The following EDNRB variants were observed in gnomAD, a reference collection of about 807,000 sequenced individuals.
EDNRB encodes Hirschsprung disease 2.
In EDNRB, 18 loss-of-function variants were observed where a neutral mutation model predicts 46.4. That is an observed-to-expected ratio of 0.39 (90% CI 0.27 to 0.57). The LOEUF (loss-of-function observed/expected upper bound fraction) is 0.57. Ranked by LOEUF, EDNRB falls within the 20% of genes least tolerant of loss-of-function variation. The probability of loss-of-function intolerance (pLI) is 0.61; values close to 1 mark genes in which losing one functional copy is unlikely to be tolerated. For synonymous variants in EDNRB, 213 were observed against 204.9 expected (o/e 1.04, Z -0.34); for missense variants, 434 against 537.5 (o/e 0.81, Z 1.90).
intron 6 of EDNRB, chr13:77,899,634 C>T: frequency 2.1e-6 from 1 of 482,164 alleles, no homozygotes; most frequent in Non-Finnish European, 3.8e-6. Context: ...ATGAGTGTAA[C>T]TGATTGGCTG....
chr13:77,918,769 G>A lies in EDNRB; in HGVS notation c.-196C>T, dbSNP rs201956216. ...AGTTTGCGCGCCAGTGGGAAACTTG[G>A]CGCTCATGACTCGCCAGCGCGGGTC... On this transcript the variant is annotated 5_prime_UTR_variant, in exon 1 of 7. Coordinates refer to ENST00000646607, the MANE Select transcript of EDNRB (RefSeq NM_001122659.3). This position sits in a 1 kb window ranked among gnomAD's most constrained non-coding sequence, Gnocchi z 4.5. 9.4e-5 allele frequency: 126 copies of A among 1,335,830 alleles called. 1 individual carries two copies. The Middle Eastern group carries it at 3.3e-3, about 35-fold the overall frequency. 82.7% of individuals were successfully genotyped at this position (1,335,830 alleles called of 1,614,324 possible).
At chr13:77,954,191 T>C (rs1416150058) in intron 1 of EDNRB, among the ~76,000 whole-genome samples, 1 of 152,182 alleles carries the variant, frequency 6.6e-6, no homozygotes, top group Non-Finnish European at 1.5e-5. Flanking sequence ...AGACCTTTTG[T>C]TAGTCATAGG....
chr13:77,909,956 C>G (rs957957074), intron 1 of EDNRB, among the ~76,000 whole-genome samples: 1 of 151,968 alleles, frequency 6.6e-6, no homozygotes, highest in Non-Finnish European at 1.5e-5. Flanking sequence ...TGGAGTTCTG[C>G]TCTTCCATGC....
At chr13:77,968,267 G>A (rs117080422) in intron 1 of EDNRB, among the ~76,000 whole-genome samples, 2,174 of 152,136 alleles carry the variant, frequency 0.014, 44 homozygotes, top group East Asian at 0.024. Flanking sequence ...CTTGGTTGTA[G>A]AGGAAGAGAT....
At chr13:77,934,423 G>A (rs1880494901) in intron 1 of EDNRB, among the ~76,000 whole-genome samples, 1 of 152,098 alleles carries the variant, frequency 6.6e-6, no homozygotes, top group South Asian at 2.1e-4. Context: ...AAACTGCTTG[G>A]CTGATTTGAC....
intron 1 of EDNRB, among the ~76,000 whole-genome samples, chr13:77,974,277 G>A (rs1295742945): frequency 2.6e-5 from 4 of 152,088 alleles, no homozygotes; most frequent in Non-Finnish European, 5.9e-5. Context: ...CTAGTGAGGT[G>A]TGCTCACAAT....
chr13:77,920,969 C>T (rs546639883), upstream of EDNRB, among the ~76,000 whole-genome samples: 4 of 152,254 alleles, frequency 2.6e-5, no homozygotes, highest in South Asian at 2.1e-4. Flanking sequence ...TCATCATCTC[C>T]ATCTCCATTC....
At chr13:77,937,958 G>A (rs936159252) in intron 1 of EDNRB, among the ~76,000 whole-genome samples, 2 of 152,142 alleles carry the variant, frequency 1.3e-5, no homozygotes, top group Admixed American at 6.5e-5. Context: ...CACATTTTAC[G>A]ACAAGAATTA....
intron 1 of EDNRB, among the ~76,000 whole-genome samples, chr13:77,958,693 C>T (rs1594397484): frequency 6.6e-6 from 1 of 152,160 alleles, no homozygotes; most frequent in East Asian, 1.9e-4. Context: ...TTTTAATGTG[C>T]AGCCAGCATT....
intron 1 of EDNRB, among the ~76,000 whole-genome samples, chr13:77,935,285 C>T (rs1453626400): frequency 6.6e-6 from 1 of 152,150 alleles, no homozygotes; most frequent in African/African-American, 2.4e-5. Flanking sequence ...AGTCCCAGTT[C>T]TTGTGTAAGA....
chr13:77,903,180 G>A lies in EDNRB; in HGVS notation c.777C>T (p.Pro259=), dbSNP rs375637651. ...CCTGCATGAAAGCTGTCTTCTGAAC[G>A]GGATGAAGCAAGCAGATTCGCAGAT... is the stretch of plus-strand genomic sequence containing the variant. ...GSYLRICLLH[P]VQKTAFMQFY... Residue 259 remains proline (P), a synonymous_variant, in exon 3 of 7, where the codon CCC becomes CCT. Transcript: ENST00000646607. 75 of 1,612,656 alleles carry A rather than the reference G, an allele frequency of 4.7e-5. No homozygotes were observed. The highest frequency in any genetic ancestry group is 1.0e-4 in the Admixed American group (6 of 59,856).
upstream of EDNRB, among the ~76,000 whole-genome samples, chr13:77,924,521 G>A (rs1372793412): frequency 6.6e-6 from 1 of 152,140 alleles, no homozygotes; most frequent in Non-Finnish European, 1.5e-5. Flanking sequence ...AATTCCTTGA[G>A]TATCTTTTAA....
intron 1 of EDNRB, among the ~76,000 whole-genome samples, chr13:77,959,546 A>T (rs1594398045): frequency 6.6e-6 from 1 of 152,360 alleles, no homozygotes; most frequent in South Asian, 2.1e-4. Flanking sequence ...TCTGTACGTC[A>T]CCATCATCAA....
At chr13:77,958,450 GC>G (rs1881303801) in intron 1 of EDNRB, among the ~76,000 whole-genome samples, 1 of 152,106 alleles carries the variant, frequency 6.6e-6, no homozygotes, top group Non-Finnish European at 1.5e-5. Context: ...TCAGCTCACT[GC>G]AAGCTCCGCC....
In EDNRB at chr13:77,903,278, C is replaced by T. The variant is rs1312043256; in HGVS notation, c.679G>A (p.Val227Met). 43 of 1,612,868 alleles carry T rather than the reference C, an allele frequency of 2.7e-5. No homozygotes were observed. In the Admixed American group the frequency reaches 7.2e-4, roughly 27 times the overall value. ...WTAVEIVLIW[V>M]VSVVLAVPEA... ...GGGACAGCCAGAACCACAGAGACCA[C>T]CCAAATCAAAACAATTTCTACTGCT... Residue 227 changes from valine (V) to methionine (M), a missense_variant, in exon 3 of 7, where the codon GTG (valine) becomes ATG (methionine). Transcript: ENST00000646607.
At chr13:77,916,435 C>T (rs146814758) in intron 1 of EDNRB, among the ~76,000 whole-genome samples, 119 of 152,286 alleles carry the variant, frequency 7.8e-4, no homozygotes, top group African/African-American at 2.7e-3. Context: ...TCAGCTCTTA[C>T]CAAGTAAATC....
chr13:77,919,048 G>A, upstream of EDNRB: 2 of 543,298 alleles, frequency 3.7e-6, no homozygotes, highest in Non-Finnish European at 5.3e-6. Flanking sequence ...ATTTTGCCCC[G>A]CAGGGGAACC....
chr13:77,973,297 A>G (rs1030303533), intron 1 of EDNRB, among the ~76,000 whole-genome samples: 1 of 152,192 alleles, frequency 6.6e-6, no homozygotes, highest in Non-Finnish European at 1.5e-5. Flanking sequence ...TTTTACCTTT[A>G]TATTAATGTG....
At chr13:77,905,900 G>A (rs1879250229) in intron 1 of EDNRB, among the ~76,000 whole-genome samples, 1 of 151,972 alleles carries the variant, frequency 6.6e-6, no homozygotes, top group Non-Finnish European at 1.5e-5. Context: ...GGAAGAATTT[G>A]AATGCTTTTT....
Sources: allele counts gnomAD v4.1 joint callset (sites outside exome capture counted in the v4.1 genomes callset), GRCh38; gene constraint gnomAD v4.1.1; non-coding constraint Gnocchi (gnomAD v3.1); transcripts MANE v1.5; gene names NCBI Gene and HGNC (gene_info 2026-07-23, HGNC 2026-07-21).